KCNIP3: variants seen among roughly 807,000 people sequenced by gnomAD.
The protein encoded by KCNIP3 is calsenilin.
In KCNIP3, 28 loss-of-function variants were observed where a neutral mutation model predicts 35.0. That is an observed-to-expected ratio of 0.80 (90% CI 0.59 to 1.10). The LOEUF is 1.10. Among genes scored for constraint, KCNIP3 ranks in the 50% least tolerant of loss-of-function variants. KCNIP3 has a pLI of 0.00. For missense variants in KCNIP3, 295 were observed against 338.4 expected (o/e 0.87, Z 1.01); for synonymous variants, 134 against 133.8 (o/e 1.00, Z -0.01).
chr2:95,330,028 C>A (rs1046396712), intron 2 of KCNIP3, among the ~76,000 whole-genome samples: 3 of 152,290 alleles, frequency 2.0e-5, no homozygotes, highest in African/African-American at 7.2e-5. Context: ...CTGACCACTT[C>A]TAGGAGGGAC....
At chr2:95,316,193 G>A (rs945735451) in intron 2 of KCNIP3, among the ~76,000 whole-genome samples, 2 of 152,258 alleles carry the variant, frequency 1.3e-5, no homozygotes, top group African/African-American at 2.4e-5. Flanking sequence ...CTCATCGTGT[G>A]TCATTGAATG....
chr2:95,360,169 C>T (rs985670065), intron 2 of KCNIP3, among the ~76,000 whole-genome samples: 1 of 140,036 alleles, frequency 7.1e-6, no homozygotes, highest in Non-Finnish European at 1.5e-5. Flanking sequence ...CCAGTCTGGG[C>T]AACAGTGTGA....
intron 2 of KCNIP3, among the ~76,000 whole-genome samples, chr2:95,322,233 A>T (rs1306751915): frequency 6.6e-6 from 1 of 152,100 alleles, no homozygotes; most frequent in Non-Finnish European, 1.5e-5. Context: ...ACATGGTGAC[A>T]CACACCTGTG....
At chr2:95,360,335 A>G (rs1055603319) in intron 2 of KCNIP3, among the ~76,000 whole-genome samples, 1 of 152,128 alleles carries the variant, frequency 6.6e-6, no homozygotes, top group African/African-American at 2.4e-5. Flanking sequence ...CTGAGACCTC[A>G]TCACCATCCA....
chr2:95,362,040 T>C (rs1230290774), intron 2 of KCNIP3, among the ~76,000 whole-genome samples: 1 of 152,062 alleles, frequency 6.6e-6, no homozygotes, highest in African/African-American at 2.4e-5. Flanking sequence ...GCCTTCTTGC[T>C]CTGTCTTCAT....
At chr2:95,336,465 A>C (rs572313700) in intron 2 of KCNIP3, among the ~76,000 whole-genome samples, 3 of 152,328 alleles carry the variant, frequency 2.0e-5, no homozygotes, top group Non-Finnish European at 4.4e-5. Context: ...TATTTTTAAA[A>C]ACATATTTAT....
chr2:95,325,226 G>A (rs577861337), intron 2 of KCNIP3, among the ~76,000 whole-genome samples: 56 of 152,316 alleles, frequency 3.7e-4, no homozygotes, highest in Middle Eastern at 6.8e-3. Flanking sequence ...GCTTGGGCCT[G>A]GGCCTGAGCA....
chr2:95,307,107 C>T (rs914959144), intron 1 of KCNIP3, among the ~76,000 whole-genome samples: 1 of 152,210 alleles, frequency 6.6e-6, no homozygotes, highest in African/African-American at 2.4e-5. Flanking sequence ...AAGAGGGGTG[C>T]CCATCATGGG....
chr2:95,325,390 A>G (rs1273701901), intron 2 of KCNIP3, among the ~76,000 whole-genome samples: 1 of 152,178 alleles, frequency 6.6e-6, no homozygotes, highest in Non-Finnish European at 1.5e-5. Flanking sequence ...AGCCTAAGAA[A>G]GAACACAAGA....
chr2:95,374,792 A>G, intron 3 of KCNIP3, 56 bp from the exon 4 acceptor site: 1 of 1,574,236 alleles, frequency 6.4e-7, no homozygotes, highest in Non-Finnish European at 8.7e-7. Flanking sequence ...CACCATGCAG[A>G]GTCGGGCTTG....
chr2:95,344,903 C>A (rs376152088), intron 2 of KCNIP3, among the ~76,000 whole-genome samples: 1 of 152,192 alleles, frequency 6.6e-6, no homozygotes, highest in East Asian at 1.9e-4. Flanking sequence ...GGAGGCTGAG[C>A]CGGCACTACC....
At chr2:95,379,872 GA>G (rs1229123602) in intron 5 of KCNIP3, among the ~76,000 whole-genome samples, 1 of 152,196 alleles carries the variant, frequency 6.6e-6, no homozygotes, top group Non-Finnish European at 1.5e-5. Context: ...CCAATTTGCT[GA>G]AATTTCACCA....
chr2:95,319,976 C>T (rs1202908078), intron 2 of KCNIP3, among the ~76,000 whole-genome samples: 2 of 152,146 alleles, frequency 1.3e-5, no homozygotes, highest in African/African-American at 4.8e-5. Flanking sequence ...TGCCCGGGGC[C>T]CCAGGTGCCT....
At chr2:95,368,742 C>T in intron 2 of KCNIP3, 1 of 245,694 alleles carries the variant, frequency 4.1e-6, no homozygotes, top group Non-Finnish European at 9.0e-6. Context: ...ACTTTGTCTC[C>T]TTCCTGACTG....
chr2:95,357,246 A>G (rs1454322112), intron 2 of KCNIP3, among the ~76,000 whole-genome samples: 9 of 152,156 alleles, frequency 5.9e-5, no homozygotes, highest in Non-Finnish European at 1.5e-5. Context: ...ATTCAAAGGG[A>G]GTCTTGCCCG....
At chr2:95,330,940 G>C (rs1678912805) in intron 2 of KCNIP3, among the ~76,000 whole-genome samples, 1 of 152,224 alleles carries the variant, frequency 6.6e-6, no homozygotes, top group African/African-American at 2.4e-5. Context: ...AATTACCTAG[G>C]ACTGGGAAGA....
chr2:95,306,262 C>T (rs1318086258), intron 1 of KCNIP3, among the ~76,000 whole-genome samples: 7 of 152,244 alleles, frequency 4.6e-5, no homozygotes, highest in East Asian at 1.9e-4. Context: ...ACATCTCTTC[C>T]CGCCGCCTTT....
intron 2 of KCNIP3, among the ~76,000 whole-genome samples, chr2:95,340,237 G>A (rs1316558018): frequency 6.6e-6 from 1 of 152,206 alleles, no homozygotes; most frequent in Non-Finnish European, 1.5e-5. Context: ...CTCAGGAGGT[G>A]CGGCAGGAGA....
intron 5 of KCNIP3, among the ~76,000 whole-genome samples, chr2:95,380,734 G>A (rs924152121): frequency 3.3e-5 from 5 of 152,208 alleles, no homozygotes; most frequent in African/African-American, 1.2e-4. Context: ...AGGTTTGGGC[G>A]AGGTGGCCCT....
Sources: gnomAD v4.1 joint callset for allele counts (sites outside exome capture counted in the v4.1 genomes callset) on GRCh38, gnomAD v4.1.1 for gene constraint, MANE v1.5 for transcripts, NCBI Gene and HGNC (gene_info 2026-07-23, HGNC 2026-07-21) for gene names.